The following COL4A6 variants were observed in gnomAD, a reference collection of about 807,000 sequenced individuals.
The protein encoded by COL4A6 is collagen type IV alpha 6 chain, also known as collagen alpha-6(IV) chain.
In COL4A6, 59 loss-of-function variants were observed where a neutral mutation model predicts 126.7. That is an observed-to-expected ratio of 0.47 (90% CI 0.38 to 0.58). COL4A6 has a LOEUF of 0.58. Among genes scored for constraint, COL4A6 ranks in the 20% least tolerant of loss-of-function variants. The probability of loss-of-function intolerance (pLI) is 0.00; values close to 1 mark genes in which losing one functional copy is unlikely to be tolerated. For synonymous variants in COL4A6, 547 were observed against 496.6 expected (o/e 1.10, Z -1.35); for missense variants, 1,285 against 1,337.3 (o/e 0.96, Z 0.61).
At chrX:108,301,614 A>C (rs1033093675) in intron 3 of COL4A6, among the ~76,000 whole-genome samples, 2 of 111,602 alleles carry the variant, frequency 1.8e-5, no homozygotes, top group Non-Finnish European at 3.8e-5. Context: ...AAAGAACACT[A>C]TGGAGGGGAA....
intron 2 of COL4A6, among the ~76,000 whole-genome samples, chrX:108,359,113 C>T (rs1041792719): frequency 1.8e-5 from 2 of 112,420 alleles, no homozygotes; most frequent in African/African-American, 6.5e-5. Flanking sequence ...ATCAGTTATT[C>T]TCTCCCTTTC....
chrX:108,377,934 T>C (rs1408131652), intron 2 of COL4A6, among the ~76,000 whole-genome samples: 1 of 53,765 alleles, frequency 1.9e-5, no homozygotes, highest in Admixed American at 3.2e-4. Flanking sequence ...AGAGCAAGAC[T>C]CCGTCTCAAA....
chrX:108,416,202 C>G (rs2041430532), intron 2 of COL4A6, among the ~76,000 whole-genome samples: 1 of 111,959 alleles, frequency 8.9e-6, no homozygotes, highest in Non-Finnish European at 1.9e-5. Flanking sequence ...ACTTGCTAGC[C>G]TTTGACCCTC....
chrX:108,290,110 AATTCTCAGAAG>A (rs1392898089), intron 3 of COL4A6, among the ~76,000 whole-genome samples: 1 of 112,262 alleles, frequency 8.9e-6, no homozygotes, highest in Non-Finnish European at 1.9e-5. Context: ...AGGATCTTGA[AATTCTCAGAAG>A]ATTGCTAACA....
At position 108,187,162 on chromosome X, in the gene COL4A6, G is replaced by C; in HGVS notation, c.1885C>G (p.Arg629Gly). 8.4e-7 allele frequency: 1 copy of C among 1,195,922 alleles called. No homozygotes were observed. Among genetic ancestry groups the C allele is most frequent in the Non-Finnish European group, 1.1e-6 (1 of 885,497 alleles). Residue 629 changes from arginine (R) to glycine (G), a missense_variant, in exon 23 of 45, where the codon CGT (arginine) becomes GGT (glycine). Coordinates refer to ENST00000334504, the MANE Select transcript of COL4A6 (RefSeq NM_033641.4). ...GNGLPGLPGPRGLPGDKGKDG... is the reference protein window; with the variant it reads ...GNGLPGLPGPGGLPGDKGKDG... ...TTGCCTTTATCTCCAGGAAGCCCACGGGGTCCAGGAAGTCCTGGTAACCCA... is the reference window on the plus strand; with the variant it reads ...TTGCCTTTATCTCCAGGAAGCCCACCGGGTCCAGGAAGTCCTGGTAACCCA...
At chrX:108,405,718 C>G (rs1323347090) in intron 2 of COL4A6, among the ~76,000 whole-genome samples, 1 of 110,916 alleles carries the variant, frequency 9.0e-6, no homozygotes, top group Non-Finnish European at 1.9e-5. Flanking sequence ...ATATCTGGGC[C>G]AAACCTCTAC....
intron 3 of COL4A6, among the ~76,000 whole-genome samples, chrX:108,292,862 T>C (rs969832856): frequency 3.8e-5 from 4 of 105,445 alleles, no homozygotes; most frequent in Non-Finnish European, 5.8e-5. Context: ...AGTGGAAAGA[T>C]TTCATGAGCC....
intron 2 of COL4A6, among the ~76,000 whole-genome samples, chrX:108,356,179 A>G (rs1009726163): frequency 1.1e-5 from 1 of 91,981 alleles, no homozygotes; most frequent in Non-Finnish European, 2.0e-5. Flanking sequence ...ATTCCCACCT[A>G]TGAGTGAGAA....
chrX:108,270,756 G>A (rs1453307125), intron 3 of COL4A6, among the ~76,000 whole-genome samples: 1 of 111,872 alleles, frequency 8.9e-6, no homozygotes, highest in Non-Finnish European at 1.9e-5. Flanking sequence ...ACAAATTATT[G>A]TTCTAAGAGT....
rs201056680 is a variant in COL4A6 at position 108,192,444 on chromosome X, T to A, written c.1180+29A>T. ...AACCACAGTGTATAGAGGACTGATC[T>A]GTGTAGGAAATGGGTTAGTTTTTTT... is the stretch of plus-strand genomic sequence containing the variant. On this transcript the variant is annotated intron_variant, in intron 18 of 44. Transcript: ENST00000334504. The A allele has an allele frequency of 6.3e-5, 67 of 1,055,184 alleles. No individual in the cohort carries two copies. The East Asian group carries it at 1.9e-3, about 29-fold the overall frequency. The allele number at this position is 1,055,184 out of a possible 1,213,427, so 87.0% of individuals were successfully genotyped here. A position where few individuals can be genotyped will look rare whatever the true frequency, so the allele number is the denominator to read the frequency against.
At chrX:108,278,480 T>C (rs1391112736) in intron 3 of COL4A6, among the ~76,000 whole-genome samples, 8 of 110,539 alleles carry the variant, frequency 7.2e-5, no homozygotes, top group African/African-American at 9.9e-5. Context: ...CTCCAAGAAA[T>C]ATGGGACTAT....
chrX:108,338,409 T>G (rs2039484146), intron 2 of COL4A6, among the ~76,000 whole-genome samples: 1 of 111,987 alleles, frequency 8.9e-6, no homozygotes, highest in Non-Finnish European at 1.9e-5. Flanking sequence ...GGAATAGTCT[T>G]GGGAATGAAG....
chrX:108,342,417 A>G (rs1215099389), intron 2 of COL4A6, among the ~76,000 whole-genome samples: 10 of 111,082 alleles, frequency 9.0e-5, no homozygotes, highest in Admixed American at 2.9e-4. Flanking sequence ...TATCCCTACT[A>G]CCCCTGGGCT....
intron 6 of COL4A6, among the ~76,000 whole-genome samples, chrX:108,212,193 T>TTATACTC (rs1412484481): frequency 9.4e-6 from 1 of 105,944 alleles, no homozygotes; most frequent in East Asian, 2.9e-4. Flanking sequence ...AAACTCTGTT[T>TTATACTC]TATACTCTTC....
chrX:108,321,524 T>C (rs1250475900), intron 2 of COL4A6, among the ~76,000 whole-genome samples: 1 of 111,286 alleles, frequency 9.0e-6, no homozygotes, highest in African/African-American at 3.3e-5. Flanking sequence ...TGTGTGTACA[T>C]TTTCTAAATA....
chrX:108,196,569 G>A lies in COL4A6; in HGVS notation c.845C>T (p.Thr282Ile). 1 of 1,198,997 alleles carries A rather than the reference G, an allele frequency of 8.3e-7. No homozygotes were observed. Among genetic ancestry groups the A allele is most frequent in the Non-Finnish European group, 1.1e-6 (1 of 887,886 alleles). ...TCCCTTTTCTCCCTTTTCTCCAGTA[G>A]TTCCAAGGCCCTAAATGAAAAAAGA... ...SGPPGFPGLG[T>I]TGEKGEKGEK... Residue 282 changes from threonine (T) to isoleucine (I), a missense_variant, in exon 14 of 45, where the codon ACT (threonine) becomes ATT (isoleucine). Transcript: ENST00000334504.
chrX:108,305,090 AATG>A (rs2038591997), intron 3 of COL4A6, among the ~76,000 whole-genome samples: 1 of 111,918 alleles, frequency 8.9e-6, no homozygotes, highest in South Asian at 3.8e-4. Context: ...AGTGAAGAGA[AATG>A]ATGGTAAGAG....
At chrX:108,249,180 A>G (rs1412461017) in intron 3 of COL4A6, among the ~76,000 whole-genome samples, 1 of 111,292 alleles carries the variant, frequency 9.0e-6, no homozygotes, top group Non-Finnish European at 1.9e-5. Context: ...GGTCTGTGGT[A>G]AAATTGTCTT....
intron 2 of COL4A6, among the ~76,000 whole-genome samples, chrX:108,407,078 G>A (rs1253689910): frequency 1.8e-5 from 2 of 112,292 alleles, no homozygotes; most frequent in African/African-American, 6.5e-5. Context: ...GTTTTATGGC[G>A]TCTGTGATTT....
Sources: gnomAD v4.1 joint callset for allele counts (sites outside exome capture counted in the v4.1 genomes callset) on GRCh38, gnomAD v4.1.1 for gene constraint, MANE v1.5 for transcripts, NCBI Gene and HGNC (gene_info 2026-07-23, HGNC 2026-07-21) for gene names.